Variants in PCDHGB3 observed in about 807,000 individuals in gnomAD.
The protein encoded by PCDHGB3 is protocadherin gamma subfamily B, 3.
PCDHGB3 carries 40 observed loss-of-function variants against 59.2 expected under a neutral mutation model. That is an observed-to-expected ratio of 0.68 (90% CI 0.52 to 0.88). PCDHGB3 has a LOEUF of 0.88. Ranked by LOEUF, PCDHGB3 falls within the 40% of genes least tolerant of loss-of-function variation. The pLI is 0.00. For missense variants in PCDHGB3, 1,309 were observed against 1,187.9 expected (o/e 1.10, Z -1.50); for synonymous variants, 581 against 503.6 (o/e 1.15, Z -2.06).
chr5:141,510,359 T>A (rs1229932307), intron 3 of PCDHGB3, among the ~76,000 whole-genome samples: 3 of 143,318 alleles, frequency 2.1e-5, no homozygotes, highest in African/African-American at 7.7e-5. Flanking sequence ...CTAACGGAAC[T>A]ACCGAATCTC....
intron 1 of PCDHGB3, chr5:141,393,452 GGCCTCGGATGGCGGCAAGCC>G: frequency 6.2e-7 from 1 of 1,614,030 alleles, no homozygotes; most frequent in Admixed American, 1.7e-5. Context: ...TGGTCCTCAC[GGCCTCGGATGGCGGCAAGCC>G]GCCTCGCTCT....
At chr5:141,404,169 C>G in intron 1 of PCDHGB3, 4 of 1,612,736 alleles carry the variant, frequency 2.5e-6, no homozygotes, top group Non-Finnish European at 3.4e-6. Flanking sequence ...AGATTGTTGA[C>G]GGCCCAAATT....
At chr5:141,455,755 T>C (rs1283272521) in intron 1 of PCDHGB3, among the ~76,000 whole-genome samples, 1 of 152,150 alleles carries the variant, frequency 6.6e-6, no homozygotes, top group Non-Finnish European at 1.5e-5. Flanking sequence ...CTGGCCTGGC[T>C]CCTAGAGCCG....
intron 1 of PCDHGB3, among the ~76,000 whole-genome samples, chr5:141,433,805 C>T (rs1325364387): frequency 1.3e-5 from 2 of 150,004 alleles, no homozygotes; most frequent in South Asian, 4.2e-4. Flanking sequence ...CCATTGCACT[C>T]CAGCCTGGGC....
rs756612454 is a variant in PCDHGB3, at chr5:141,372,732, C to A, written c.2338C>A (p.Leu780Ile). The change falls in exon 1 of 4, where the codon CTT becomes ATT. Residue 780 changes from leucine to isoleucine, a missense_variant. Coordinates refer to ENST00000576222, the MANE Select transcript of PCDHGB3 (RefSeq NM_018924.5). ...IKAENAAPQD[L>I]LCDEASWFES... is the part of the protein sequence containing the mutation. Reference sequence around the variant, plus strand: ...GGCTGAAAATGCTGCACCACAAGATCTTCTATGTGATGAAGCCTCTTGGTT... The same window carrying A: ...GGCTGAAAATGCTGCACCACAAGATATTCTATGTGATGAAGCCTCTTGGTT... 8 of 1,613,376 alleles carry A rather than the reference C, an allele frequency of 5.0e-6. No homozygotes were observed. In the South Asian group the frequency reaches 8.8e-5, roughly 18 times the overall value.
At chr5:141,415,045 G>A (rs2095819214) in intron 1 of PCDHGB3, 23 of 1,613,538 alleles carry the variant, frequency 1.4e-5, no homozygotes, top group Non-Finnish European at 1.8e-5. Flanking sequence ...CTTCGCGGTG[G>A]GGGAGCACAC....
At chr5:141,427,712 C>CCTGG (rs1319672065) in intron 1 of PCDHGB3, 7 of 1,051,350 alleles carry the variant, frequency 6.7e-6, no homozygotes, top group Non-Finnish European at 1.0e-5. Context: ...GCGCCTCTGA[C>CCTGG]CTGGACCTAG....
chr5:141,413,992 A>G (rs1437832303), intron 1 of PCDHGB3: 1 of 1,613,538 alleles, frequency 6.2e-7, no homozygotes, highest in Admixed American at 1.7e-5. Flanking sequence ...AGCCACCGAC[A>G]GGGACGAAGG....
chr5:141,414,184 G>C (rs1228749194), intron 1 of PCDHGB3: 3 of 1,609,416 alleles, frequency 1.9e-6, no homozygotes, highest in Non-Finnish European at 2.5e-6. Flanking sequence ...AACTGCAAAA[G>C]TGTTGATTAC....
chr5:141,397,907 G>C, intron 1 of PCDHGB3: 1 of 663,426 alleles, frequency 1.5e-6, no homozygotes, highest in Non-Finnish European at 2.5e-6. Context: ...AGAGCTTGGC[G>C]CTCCAGATCT....
In PCDHGB3 at chr5:141,494,863, C is replaced by A. The variant is rs538734954; in HGVS notation, c.2472C>A (p.Ser824Arg). 17 of 1,614,118 alleles carry A rather than the reference C, an allele frequency of 1.1e-5. No individual in the cohort carries two copies. Among genetic ancestry groups the A allele is most frequent in the Non-Finnish European group, 1.4e-5 (17 of 1,179,994 alleles). Residue 824 changes from serine to arginine, a missense_variant and splice_region_variant, in exon 2 of 4, where the codon AGC becomes AGA. By Grantham distance (110) the Ser-to-Arg change is moderately radical. Transcript: ENST00000576222. ...RFSQAQRPGT[S>R]GSQNGDDTGT... ...CTCAGGCCCAGAGACCCGGCACCAG[C>A]GGGTAGGTGACTGATTCTCCAGCCC...
At chr5:141,382,959 G>A (rs994078805) in intron 1 of PCDHGB3, 3 of 1,607,324 alleles carry the variant, frequency 1.9e-6, no homozygotes, top group African/African-American at 1.3e-5. Flanking sequence ...CCATCCTCCT[G>A]GGGACCCCCT....
At position 141,487,550 on chromosome 5, in the gene PCDHGB3, G is replaced by A. The variant is rs762537798; in HGVS notation, c.2416-7257G>A. 1 of 1,614,160 alleles carries A rather than the reference G, an allele frequency of 6.2e-7. No individual in the cohort carries two copies. The highest frequency in any genetic ancestry group is 1.1e-5 in the South Asian group (1 of 91,082). ...CTTCATGATGGTGAAGTCACCCAGT[G>A]CACCTATGGCAGGGGAGCCTGTTCG... On this transcript the variant is annotated intron_variant, in intron 1 of 3. Transcript: ENST00000576222. The surrounding 1 kb of genome is among the most constrained non-coding windows in gnomAD (Gnocchi z 5.0).
intron 1 of PCDHGB3, among the ~76,000 whole-genome samples, chr5:141,460,252 A>T (rs1342135416): frequency 6.6e-6 from 1 of 151,974 alleles, no homozygotes; most frequent in African/African-American, 2.4e-5. Flanking sequence ...AATTTTGATA[A>T]AGCCCAATTT....
Position 141,485,444 on chromosome 5 carries a change from G to T in PCDHGB3, c.2416-9363G>T. 1 of 1,614,108 alleles carries T rather than the reference G, an allele frequency of 6.2e-7. No homozygotes were observed. The highest frequency in any genetic ancestry group is 8.5e-7 in the Non-Finnish European group (1 of 1,180,020). ...AGCCCTGCTCATCAAGAACCCAATC[G>T]ACCGAGAGGCACTGTGTGGGCTCAG... is the stretch of plus-strand genomic sequence containing the variant. On this transcript the variant is annotated intron_variant, in intron 1 of 3. Coordinates refer to ENST00000576222, the MANE Select transcript of PCDHGB3 (RefSeq NM_018924.5). This position sits in a 1 kb window ranked among gnomAD's most constrained non-coding sequence, Gnocchi z 5.7.
chr5:141,422,228 T>C (rs1561800204), intron 1 of PCDHGB3: 1 of 1,565,566 alleles, frequency 6.4e-7, no homozygotes, highest in Non-Finnish European at 8.6e-7. Flanking sequence ...ACCACGACGA[T>C]GTTGATCACT....
rs765661515 is a variant in PCDHGB3 at position 141,398,665 on chromosome 5, T to C, written c.2415+25856T>C. The stretch of plus-strand genomic sequence containing the variant: ...ACTCTCTCTTAACCCAAGTTTCTCA[T>C]TAATAATTAAGGAGAAACAGGATGG... On this transcript the variant is annotated intron_variant, in intron 1 of 3. Transcript: ENST00000576222. 1.9e-6 allele frequency: 3 copies of C among 1,614,002 alleles called. No homozygotes were observed. In the South Asian group the frequency reaches 3.3e-5, roughly 18 times the overall value.
At chr5:141,400,557 ACC>A in intron 1 of PCDHGB3, 5 of 1,613,254 alleles carry the variant, frequency 3.1e-6, no homozygotes, top group Non-Finnish European at 3.4e-6. Context: ...CTTTTTCATT[ACC>A]CACCCAATTT....
chr5:141,465,210 AT>A (rs1374516492), intron 1 of PCDHGB3, among the ~76,000 whole-genome samples: 4 of 152,032 alleles, frequency 2.6e-5, no homozygotes, highest in African/African-American at 9.7e-5. Flanking sequence ...TATAAGCTTT[AT>A]TTTTCAACAT....
Sources: allele counts gnomAD v4.1 joint callset (sites outside exome capture counted in the v4.1 genomes callset), GRCh38; gene constraint gnomAD v4.1.1; non-coding constraint Gnocchi (gnomAD v3.1); transcripts MANE v1.5; gene names NCBI Gene and HGNC (gene_info 2026-07-23, HGNC 2026-07-21).